Variants in ADGRD1 observed in about 807,000 individuals in gnomAD.
ADGRD1 encodes the protein G-protein coupled receptor 133.
ADGRD1 carries 77 observed loss-of-function variants against 113.4 expected under a neutral mutation model. That is an observed-to-expected ratio of 0.68 (90% CI 0.57 to 0.82). The LOEUF (loss-of-function observed/expected upper bound fraction) is 0.82, where lower values mean the gene tolerates loss of function less well. Ranked by LOEUF, ADGRD1 falls within the 40% of genes least tolerant of loss-of-function variation. ADGRD1 has a pLI of 0.00. For missense variants in ADGRD1, 1,036 were observed against 1,139.1 expected, an observed-to-expected ratio of 0.91 and a Z score of 1.30; for synonymous variants, 474 against 475.0, an observed-to-expected ratio of 1.00 and a Z score of 0.03.
rs1009149428 is a variant in ADGRD1, at chr12:131,137,917, C to T, written c.2437-220C>T. 1.1e-5 allele frequency: 6 copies of T among 523,100 alleles called. No homozygotes were observed. The African/African-American group carries it at 1.2e-4, about 10-fold the overall frequency. 32.4% of individuals were successfully genotyped at this position (523,100 alleles called of 1,614,324 possible). A position where few individuals can be genotyped will look rare whatever the true frequency, so the allele number is the denominator to read the frequency against. ...CTGAGTGTGAGGAGCCCAGCAGAGG[C>T]CACTCCACACCCAGCTTCCCTGGCC... On this transcript the variant is annotated intron_variant, in intron 23 of 24. Coordinates refer to ENST00000261654, the MANE Select transcript of ADGRD1 (RefSeq NM_198827.5).
intron 13 of ADGRD1, among the ~76,000 whole-genome samples, chr12:131,068,457 C>T (rs1015226300): frequency 1.3e-5 from 2 of 152,152 alleles, no homozygotes; most frequent in African/African-American, 4.8e-5. Flanking sequence ...ATGAGCTTGG[C>T]CACTCCAGGC....
chr12:131,044,896 C>T (rs191546709), intron 13 of ADGRD1, among the ~76,000 whole-genome samples: 1 of 152,386 alleles, frequency 6.6e-6, no homozygotes, highest in East Asian at 1.9e-4. Flanking sequence ...TATTCCACCG[C>T]GTGGCTGCGC....
chr12:131,106,925 A>G (rs1424818215), intron 17 of ADGRD1, among the ~76,000 whole-genome samples: 1 of 152,196 alleles, frequency 6.6e-6, no homozygotes, highest in Non-Finnish European at 1.5e-5. Context: ...ATTTTGGTTT[A>G]GGAGCTCTGG....
At chr12:131,046,609 G>A (rs1593115148) in intron 13 of ADGRD1, among the ~76,000 whole-genome samples, 3 of 125,452 alleles carry the variant, frequency 2.4e-5, no homozygotes, top group Admixed American at 1.5e-4. Flanking sequence ...TCCCTGGTCA[G>A]TGCCCCCTCC....
chr12:131,093,951 A>G (rs1232542957), intron 15 of ADGRD1, among the ~76,000 whole-genome samples: 1 of 130,232 alleles, frequency 7.7e-6, no homozygotes, highest in Non-Finnish European at 1.6e-5. Context: ...CCTCAGCAGC[A>G]CCCAGCCTCA....
chr12:130,986,784 G>C, intron 5 of ADGRD1: 1 of 335,428 alleles, frequency 3.0e-6, no homozygotes, highest in Non-Finnish European at 5.5e-6. Context: ...CTTGTGCCCT[G>C]CCATTTTTCA....
chr12:130,987,737 C>G (rs1873876244), intron 6 of ADGRD1: 1 of 263,182 alleles, frequency 3.8e-6, no homozygotes, highest in South Asian at 5.4e-5. Flanking sequence ...CTATTCAGCA[C>G]AGGGCAGTTG....
chr12:131,046,336 GC>G (rs1882759817), intron 13 of ADGRD1, among the ~76,000 whole-genome samples: 94 of 125,432 alleles, frequency 7.5e-4, no homozygotes, highest in African/African-American at 2.9e-3. Flanking sequence ...CCTGGTCAGT[GC>G]TCCCTCCCTG....
At chr12:131,046,556 C>A (rs1455242617) in intron 13 of ADGRD1, among the ~76,000 whole-genome samples, 1 of 88,768 alleles carries the variant, frequency 1.1e-5, no homozygotes, top group African/African-American at 5.6e-5. Context: ...CCCTCCCTGG[C>A]CAGTGTCCTC....
At chr12:131,120,160 G>A (rs188355208) in intron 19 of ADGRD1, among the ~76,000 whole-genome samples, 179 of 152,296 alleles carry the variant, frequency 1.2e-3, no homozygotes, top group African/African-American at 4.0e-3. Context: ...ACTGCGCCAC[G>A]CACCTGCCCA....
chr12:131,102,435 G>A lies in ADGRD1; in HGVS notation c.1672-2396G>A, dbSNP rs185341068. On this transcript the variant is annotated intron_variant, in intron 15 of 24. Transcript: ENST00000261654. The stretch of plus-strand genomic sequence containing the variant: ...CTACCCCTCCCACAAGGCCCCTTCT[G>A]CTGGCAGAAGATGCCTGTGACCTCA... Among the ~76,000 whole-genome samples the A allele has an allele frequency of 1.1e-3, 175 of 152,342 alleles. 1 individual carries two copies. The highest frequency in any genetic ancestry group is 3.4e-3 in the Middle Eastern group (1 of 294).
At chr12:130,982,718 G>C (rs756476689) in intron 5 of ADGRD1, among the ~76,000 whole-genome samples, 26 of 152,206 alleles carry the variant, frequency 1.7e-4, no homozygotes, top group Non-Finnish European at 3.2e-4. Flanking sequence ...TGTGGGAAGA[G>C]AACAGGAGTC....
intron 13 of ADGRD1, among the ~76,000 whole-genome samples, chr12:131,034,843 T>C (rs12832254): frequency 0.53 from 80,542 of 151,958 alleles, 22,333 homozygotes; most frequent in Non-Finnish European, 0.61. Flanking sequence ...CTCCCGCTCC[T>C]TAGCCTCCAC....
chr12:130,997,339 C>T (rs1261079013), intron 8 of ADGRD1, among the ~76,000 whole-genome samples: 14 of 149,972 alleles, frequency 9.3e-5, no homozygotes, highest in Middle Eastern at 3.5e-3. Context: ...GGGTGGCTGC[C>T]GGGCGGAGAC....
At chr12:130,994,075 C>A in intron 8 of ADGRD1, 1 of 238,082 alleles carries the variant, frequency 4.2e-6, no homozygotes. Flanking sequence ...GTGGGATTAG[C>A]AACCAGCTCA....
At chr12:131,028,442 A>G (rs989997682) in intron 13 of ADGRD1, among the ~76,000 whole-genome samples, 7 of 151,822 alleles carry the variant, frequency 4.6e-5, no homozygotes, top group Non-Finnish European at 8.8e-5. Flanking sequence ...GCAGTTTTCA[A>G]CGTCAGTGCA....
chr12:131,009,575 G>A (rs993512626), intron 12 of ADGRD1, among the ~76,000 whole-genome samples: 1 of 152,218 alleles, frequency 6.6e-6, no homozygotes, highest in South Asian at 2.1e-4. Context: ...TAGAGATGGA[G>A]TATGCTGTGA....
chr12:131,033,907 C>A (rs1881088120), intron 13 of ADGRD1, among the ~76,000 whole-genome samples: 1 of 152,148 alleles, frequency 6.6e-6, no homozygotes, highest in Non-Finnish European at 1.5e-5. Context: ...GCACTCCTGG[C>A]AGGACAGAGC....
intron 13 of ADGRD1, among the ~76,000 whole-genome samples, chr12:131,033,191 G>C (rs543553094): frequency 6.6e-6 from 1 of 152,124 alleles, no homozygotes; most frequent in African/African-American, 2.4e-5. Context: ...TTTTTTGTGC[G>C]GGCAGGGCCG....
Sources: allele counts gnomAD v4.1 joint callset (sites outside exome capture counted in the v4.1 genomes callset), GRCh38; gene constraint gnomAD v4.1.1; transcripts MANE v1.5; gene names NCBI Gene and HGNC (gene_info 2026-07-23, HGNC 2026-07-21).